The following MMP27 variants were observed in gnomAD, a reference collection of about 807,000 sequenced individuals.
MMP27 encodes the protein matrix metallopeptidase 27.
MMP27 carries 51 observed loss-of-function variants against 48.1 expected under a neutral mutation model. The observed-to-expected ratio is 1.06, with a 90% CI of 0.85 to 1.34. The LOEUF is 1.34. Ranked by LOEUF, MMP27 falls within the 40% of genes most tolerant of loss-of-function variation. MMP27 has a pLI of 0.00. For missense variants in MMP27, 698 were observed against 619.3 expected (o/e 1.13, Z -1.35); for synonymous variants, 229 against 208.9 (o/e 1.10, Z -0.83).
intron 7 of MMP27, 54 bp from the exon 8 acceptor site, chr11:102,694,119 A>G (rs1591656315): frequency 1.5e-6 from 2 of 1,362,396 alleles, no homozygotes; most frequent in South Asian, 3.4e-5. Context: ...AGGTATCTCA[A>G]GAAATTTAAA....
chr11:102,693,706 A>G (rs1860767748), intron 8 of MMP27, among the ~76,000 whole-genome samples, 200 bp downstream of exon 8: 1 of 152,140 alleles, frequency 6.6e-6, no homozygotes, highest in Non-Finnish European at 1.5e-5. Flanking sequence ...GATCTCTTGA[A>G]AGCAGGAGGT....
At chr11:102,699,886 C>T (rs1173160835) in intron 4 of MMP27, among the ~76,000 whole-genome samples, 1 of 152,194 alleles carries the variant, frequency 6.6e-6, no homozygotes, top group Non-Finnish European at 1.5e-5. Context: ...CAGAACACTC[C>T]TATTCACCCT....
chr11:102,704,660 G>A lies in MMP27; in HGVS notation c.218C>T (p.Thr73Ile). 1 of 1,614,040 alleles carries A rather than the reference G, an allele frequency of 6.2e-7. No homozygotes were observed. Among genetic ancestry groups the A allele is most frequent in the Non-Finnish European group, 8.5e-7 (1 of 1,179,968 alleles). The change falls in exon 2 of 10, where the codon ACA becomes ATA. Residue 73 changes from threonine (T) to isoleucine (I), a missense_variant. Transcript: ENST00000260229. ...IREMQAFFGL[T>I]VTGKLDSNTL... ...GTTTGAGTCCAGTTTTCCAGTCACT[G>A]TCAATCCAAAAAATGCTTGCATTTC...
At chr11:102,695,765 A>T (rs1860813826) in intron 6 of MMP27, among the ~76,000 whole-genome samples, 1 of 152,226 alleles carries the variant, frequency 6.6e-6, no homozygotes, top group Non-Finnish European at 1.5e-5. Context: ...TGCTATAAAA[A>T]TATGGTCATG....
rs1051318825 is a variant in MMP27, at chr11:102,695,015, G to C, written c.985C>G (p.Leu329Val). Reference protein sequence around the residue: ...ASFWPSLPADLQAAYENPRDK... With the variant: ...ASFWPSLPADVQAAYENPRDK... ...CTGGGGTTCTCGTATGCAGCTTGCAGATCAGCTGGCAGAGATGGCCAGAAT... is the reference window on the plus strand; with the variant it reads ...CTGGGGTTCTCGTATGCAGCTTGCACATCAGCTGGCAGAGATGGCCAGAAT... The change falls in exon 7 of 10, where the codon CTG becomes GTG. Residue 329 changes from leucine (L) to valine (V), a missense_variant. Leu to Val is a conservative substitution (Grantham distance 32). Coordinates refer to ENST00000260229, the MANE Select transcript of MMP27 (RefSeq NM_022122.3). 5.6e-6 allele frequency: 9 copies of C among 1,614,008 alleles called. No homozygotes were observed. The East Asian group carries it at 1.1e-4, about 20-fold the overall frequency.
chr11:102,702,702 A>C, intron 4 of MMP27, 51 bp downstream of exon 4: 1 of 1,543,764 alleles, frequency 6.5e-7, no homozygotes, highest in Non-Finnish European at 8.7e-7. Context: ...TATTCTTTTC[A>C]GGGATTCTTT....
chr11:102,705,035 G>T (rs1401748563), intron 1 of MMP27, among the ~76,000 whole-genome samples: 1 of 152,172 alleles, frequency 6.6e-6, no homozygotes, highest in Non-Finnish European at 1.5e-5. Flanking sequence ...AAAGCACGCA[G>T]CTCTTAAACC....
In MMP27 at chr11:102,704,521, C is replaced by T. The variant is rs1459760648; in HGVS notation, c.341+16G>A. 6.4e-7 allele frequency: 1 copy of T among 1,559,114 alleles called. No homozygotes were observed. The highest frequency in any genetic ancestry group is 8.8e-7 in the Non-Finnish European group (1 of 1,133,996). On this transcript the variant is annotated intron_variant, in intron 2 of 9. Transcript: ENST00000260229. The stretch of plus-strand genomic sequence containing the variant: ...TTCCTTTGGATTAGGCGGAAATAAG[C>T]TGGCAGAAGCATTACCTGTAGGTGA...
intron 4 of MMP27, among the ~76,000 whole-genome samples, chr11:102,697,866 T>C (rs2155554): frequency 0.41 from 62,358 of 152,008 alleles, 13,734 homozygotes; most frequent in East Asian, 0.61. Flanking sequence ...ACAAACTTGT[T>C]GTACAGCTGT....
rs1003161701 is a variant in MMP27 at position 102,705,709 on chromosome 11, C to T, written c.6G>A (p.Lys2=). ...AGAACAAAAACAGAAGCAGAAGGCG[C>T]TTCATTCCTCTCTTTCTTCAGCTGA... M[K]RLLLLFLFFI... is the part of the protein sequence containing the mutation. Residue 2 remains lysine, a synonymous_variant, in exon 1 of 10, where the codon AAG becomes AAA. Transcript: ENST00000260229. 2.5e-6 allele frequency: 4 copies of T among 1,602,922 alleles called. No homozygotes were observed. The highest frequency in any genetic ancestry group is 2.3e-5 in the South Asian group (2 of 88,404).
intron 7 of MMP27, among the ~76,000 whole-genome samples, chr11:102,694,390 A>G (rs1860783790): frequency 6.6e-6 from 1 of 152,224 alleles, no homozygotes; most frequent in African/African-American, 2.4e-5. Flanking sequence ...CCCCATAAAT[A>G]TGTACAATTA....
chr11:102,693,242 C>A (rs904932393), intron 8 of MMP27, among the ~76,000 whole-genome samples: 34 of 151,990 alleles, frequency 2.2e-4, no homozygotes, highest in Non-Finnish European at 1.3e-4. Context: ...AAGAAATGAT[C>A]AGGGAAAAAG....
chr11:102,697,591 T>G (rs988378130), intron 4 of MMP27, among the ~76,000 whole-genome samples: 2 of 152,054 alleles, frequency 1.3e-5, no homozygotes, highest in African/African-American at 4.8e-5. Flanking sequence ...AGCTTCAAAC[T>G]CCTAGGCTTG....
intron 4 of MMP27, among the ~76,000 whole-genome samples, chr11:102,698,153 A>T (rs1860868457): frequency 1.3e-5 from 2 of 152,264 alleles, no homozygotes; most frequent in Admixed American, 1.3e-4. Flanking sequence ...AACCAGTAAC[A>T]TGGTTGCTTA....
intron 4 of MMP27, among the ~76,000 whole-genome samples, chr11:102,699,489 A>G (rs1223751653): frequency 6.6e-6 from 1 of 152,146 alleles, no homozygotes; most frequent in Non-Finnish European, 1.5e-5. Flanking sequence ...AAATAAATAC[A>G]TACATACATA....
In MMP27 at chr11:102,691,870, C is replaced by A. The variant is rs1213429145; in HGVS notation, c.1438G>T (p.Glu480Ter). ...NSSFGFDINK[E>*]KAHSGGIKIL... ...TTTATGCCTCCTGAATGTGCTTTTTCCTTGTTGATATCAAAACCAAATGAG... is the reference window on the plus strand; with the variant it reads ...TTTATGCCTCCTGAATGTGCTTTTTACTTGTTGATATCAAAACCAAATGAG... Residue 480 changes from glutamate (E) to a stop codon, truncating the protein, a stop_gained, in exon 10 of 10, where the codon GAA becomes TAA. Coordinates refer to ENST00000260229, the MANE Select transcript of MMP27 (RefSeq NM_022122.3). LOFTEE classifies it low-confidence loss of function (END_TRUNC). The A allele has an allele frequency of 6.2e-7, 1 of 1,613,292 alleles. No individual in the cohort carries two copies. The highest frequency in any genetic ancestry group is 8.5e-7 in the Non-Finnish European group (1 of 1,179,706).
intron 1 of MMP27, 77 bp downstream of exon 1, chr11:102,705,536 T>C: frequency 1.0e-6 from 1 of 968,934 alleles, no homozygotes. Flanking sequence ...GGAATGTGTT[T>C]TCTTTTTAGG....
chr11:102,693,359 G>T (rs1183326926), intron 8 of MMP27, among the ~76,000 whole-genome samples: 1 of 152,054 alleles, frequency 6.6e-6, no homozygotes, highest in Non-Finnish European at 1.5e-5. Context: ...TGTGTCATTG[G>T]CAATTTGGTT....
intron 4 of MMP27, among the ~76,000 whole-genome samples, chr11:102,700,445 TTTCTG>T: frequency 6.6e-6 from 1 of 152,374 alleles, no homozygotes; most frequent in East Asian, 1.9e-4. Context: ...TGTCAAGCAC[TTTCTG>T]AGTGTTCACT....
Sources: allele counts gnomAD v4.1 joint callset (sites outside exome capture counted in the v4.1 genomes callset), GRCh38; gene constraint gnomAD v4.1.1; transcripts MANE v1.5; gene names NCBI Gene and HGNC (gene_info 2026-07-23, HGNC 2026-07-21).